AKAP6: variants seen among roughly 807,000 people sequenced by gnomAD.
The protein encoded by AKAP6 is A-kinase anchoring protein 6.
AKAP6 carries 58 observed loss-of-function variants against 188.5 expected under a neutral mutation model. That is an observed-to-expected ratio of 0.31 (90% CI 0.25 to 0.38). The LOEUF is 0.38. AKAP6 is among the 10% of genes least tolerant of loss of function. AKAP6 has a pLI of 1.00. For synonymous variants in AKAP6, 989 were observed against 998.6 expected (o/e 0.99, Z 0.18); for missense variants, 2,710 against 2,740.0 (o/e 0.99, Z 0.24).
chr14:32,676,012 G>A (rs538458144), intron 7 of AKAP6, among the ~76,000 whole-genome samples: 1 of 152,282 alleles, frequency 6.6e-6, no homozygotes, highest in Non-Finnish European at 1.5e-5. Context: ...TCATTACCCA[G>A]AATGAATCAT....
At chr14:32,524,510 T>A (rs527944618) in intron 2 of AKAP6, among the ~76,000 whole-genome samples, 5 of 152,256 alleles carry the variant, frequency 3.3e-5, no homozygotes, top group Admixed American at 2.6e-4. Context: ...TTTGTGTGTG[T>A]GAGACAGTCA....
chr14:32,446,886 TA>T (rs1351793790), intron 2 of AKAP6, among the ~76,000 whole-genome samples: 1 of 152,204 alleles, frequency 6.6e-6, no homozygotes, highest in Non-Finnish European at 1.5e-5. Flanking sequence ...GCAAATGTGG[TA>T]TTTTTTTACT....
Position 32,735,818 on chromosome 14 carries a change from A to G in AKAP6, c.3308A>G (p.Asn1103Ser). 6.2e-7 allele frequency: 1 copy of G among 1,613,484 alleles called. No individual in the cohort carries two copies. Among genetic ancestry groups the G allele is most frequent in the Non-Finnish European group, 8.5e-7 (1 of 1,179,680 alleles). ...WLRDTELFIF[N>S]SCLRQEKEGT... ...AGAGATACAGAGCTTTTCATCTTCAATTCCTGTCTGAGACAAGAAAAGGAA... is the reference window on the plus strand; with the variant it reads ...AGAGATACAGAGCTTTTCATCTTCAGTTCCTGTCTGAGACAAGAAAAGGAA... Residue 1103 changes from asparagine (N) to serine (S), a missense_variant, in exon 11 of 14, where the codon AAT (asparagine) becomes AGT (serine). Asn to Ser is a conservative substitution (Grantham distance 46, BLOSUM62 1). Coordinates refer to ENST00000280979, the MANE Select transcript of AKAP6 (RefSeq NM_004274.5).
intron 2 of AKAP6, among the ~76,000 whole-genome samples, chr14:32,463,557 A>T (rs1028449646): frequency 6.6e-6 from 1 of 152,230 alleles, no homozygotes; most frequent in African/African-American, 2.4e-5. Context: ...ACCAATGAGA[A>T]CAAAGAGACA....
chr14:32,725,098 G>A (rs1364901398), intron 9 of AKAP6, among the ~76,000 whole-genome samples: 2 of 145,264 alleles, frequency 1.4e-5, no homozygotes, highest in African/African-American at 2.6e-5. Flanking sequence ...TGGTTCACAT[G>A]CCTTCACAGT....
At chr14:32,461,866 CTACTT>C (rs1891337005) in intron 2 of AKAP6, among the ~76,000 whole-genome samples, 2 of 151,798 alleles carry the variant, frequency 1.3e-5, no homozygotes, top group African/African-American at 2.4e-5. Context: ...ACTAGAATAA[CTACTT>C]TAGAGAGGAA....
rs377707487 is a variant in AKAP6, at chr14:32,744,820, C to T, written c.3372+8938C>T. Among the ~76,000 whole-genome samples the T allele has an allele frequency of 8.4e-4, 127 of 152,090 alleles. 1 individual carries two copies. In the South Asian group the frequency reaches 0.021, roughly 25 times the overall value. ...GTTTTTATTCCTTTTTCTGTTGTCT[C>T]CTCTGACTGTATATTTTCAAATAGT... On this transcript the variant is annotated intron_variant, in intron 11 of 13. Coordinates refer to ENST00000280979, the MANE Select transcript of AKAP6 (RefSeq NM_004274.5).
At chr14:32,653,915 G>T (rs1045839377) in intron 7 of AKAP6, among the ~76,000 whole-genome samples, 3 of 152,048 alleles carry the variant, frequency 2.0e-5, no homozygotes, top group Non-Finnish European at 2.9e-5. Context: ...TGAATGAGTG[G>T]CACTTTCTGA....
At chr14:32,540,522 G>A (rs571611913) in intron 3 of AKAP6, among the ~76,000 whole-genome samples, 48 of 151,942 alleles carry the variant, frequency 3.2e-4, no homozygotes, top group Non-Finnish European at 6.5e-4. Flanking sequence ...GTTAAATGGA[G>A]GTATATTTAA....
At chr14:32,687,048 AAAATG>A (rs992610958) in intron 8 of AKAP6, among the ~76,000 whole-genome samples, 23 of 152,360 alleles carry the variant, frequency 1.5e-4, no homozygotes, top group African/African-American at 4.6e-4. Context: ...CAGGCTGAAT[AAAATG>A]AACTTTAAAT....
intron 8 of AKAP6, among the ~76,000 whole-genome samples, chr14:32,682,582 T>C (rs1009213488): frequency 1.3e-5 from 2 of 152,076 alleles, no homozygotes; most frequent in African/African-American, 4.8e-5. Flanking sequence ...AGAGGAGGAT[T>C]GAAGTTAGAG....
intron 8 of AKAP6, among the ~76,000 whole-genome samples, chr14:32,695,302 A>G (rs2139694355): frequency 6.6e-6 from 1 of 152,286 alleles, no homozygotes; most frequent in African/African-American, 2.4e-5. Context: ...ACTCAAGCCT[A>G]TCTCTGAGTG....
intron 7 of AKAP6, among the ~76,000 whole-genome samples, chr14:32,611,166 A>G (rs1194754472): frequency 1.3e-5 from 2 of 152,174 alleles, no homozygotes; most frequent in Non-Finnish European, 2.9e-5. Flanking sequence ...GGAAGGGTTA[A>G]CGATGACTTA....
intron 1 of AKAP6, among the ~76,000 whole-genome samples, chr14:32,351,793 A>G (rs1887282468): frequency 6.6e-6 from 1 of 152,164 alleles, no homozygotes; most frequent in Non-Finnish European, 1.5e-5. Flanking sequence ...ATACACAATT[A>G]TATCTATAAA....
Position 32,366,723 on chromosome 14 carries a change from T to C in AKAP6, c.-35+37315T>C, listed in dbSNP as rs571147640. Reference sequence around the variant, plus strand: ...GTGTGTGTCTGTGTGTGTGTGTGTATTGGGGAGTAGTGGTGGAAAGTGGTA... The same window carrying C: ...GTGTGTGTCTGTGTGTGTGTGTGTACTGGGGAGTAGTGGTGGAAAGTGGTA... On this transcript the variant is annotated intron_variant, in intron 1 of 13. Coordinates refer to ENST00000280979, the MANE Select transcript of AKAP6 (RefSeq NM_004274.5). Among the ~76,000 whole-genome samples, 5 of 152,184 alleles carry C rather than the reference T, an allele frequency of 3.3e-5. No individual in the cohort carries two copies. The East Asian group carries it at 5.8e-4, about 18-fold the overall frequency.
intron 2 of AKAP6, among the ~76,000 whole-genome samples, chr14:32,483,888 G>C (rs561954225): frequency 6.6e-6 from 1 of 151,854 alleles, no homozygotes; most frequent in Non-Finnish European, 1.5e-5. Context: ...TCAACCTGTC[G>C]TCTACATTAG....
Position 32,650,386 on chromosome 14 carries a change from G to T in AKAP6, c.2731-27925G>T, listed in dbSNP as rs576240586. ...CCAGCATTTTGGGAGGCTGGGGCGG[G>T]CGGATTGCTTGAGGCCAGGAGTTCA... On this transcript the variant is annotated intron_variant, in intron 7 of 13. Transcript: ENST00000280979. Among the ~76,000 whole-genome samples the T allele has an allele frequency of 3.3e-5, 5 of 152,278 alleles. No homozygotes were observed. In the South Asian group the frequency reaches 1.0e-3, roughly 32 times the overall value.
chr14:32,662,699 G>A (rs1888755255), intron 7 of AKAP6, among the ~76,000 whole-genome samples: 1 of 152,074 alleles, frequency 6.6e-6, no homozygotes, highest in African/African-American at 2.4e-5. Context: ...TTCTATAGAT[G>A]AGATTTTCTT....
At chr14:32,733,285 G>A (rs1182867594) in intron 10 of AKAP6, 1 of 152,546 alleles carries the variant, frequency 6.6e-6, no homozygotes, top group Non-Finnish European at 1.5e-5. Flanking sequence ...GCACTGTGCA[G>A]GAGACAGTAC....
Sources: gnomAD v4.1 joint callset for allele counts (sites outside exome capture counted in the v4.1 genomes callset) on GRCh38, gnomAD v4.1.1 for gene constraint, MANE v1.5 for transcripts, NCBI Gene and HGNC (gene_info 2026-07-23, HGNC 2026-07-21) for gene names.